The following ENTREP2 variants were observed in gnomAD, a reference collection of about 807,000 sequenced individuals.
ENTREP2 encodes the protein protein ENTREP2.
At chr15:29,417,130 C>A in the ENTREP2 span, among the ~76,000 whole-genome samples, 3 of 152,188 alleles carry the variant, frequency 2.0e-5, no homozygotes, top group Admixed American at 6.5e-5. Context: ...TTTGACCCAG[C>A]CATCCCATTA....
chr15:29,599,365 G>C, the ENTREP2 span, among the ~76,000 whole-genome samples: 370 of 152,342 alleles, frequency 2.4e-3, no homozygotes, highest in African/African-American at 8.3e-3. Flanking sequence ...TAAAGAGACA[G>C]ACCATGAGGT....
the ENTREP2 span, among the ~76,000 whole-genome samples, chr15:29,414,901 G>T: frequency 6.6e-6 from 1 of 152,174 alleles, no homozygotes; most frequent in Admixed American, 6.5e-5. Flanking sequence ...AAATCTAGAA[G>T]AAATGGATAA....
the ENTREP2 span, among the ~76,000 whole-genome samples, chr15:29,192,107 G>A: frequency 1.3e-5 from 2 of 152,124 alleles, no homozygotes; most frequent in Admixed American, 1.3e-4. Flanking sequence ...GTACATATAA[G>A]CTTTGCTTAC....
At chr15:29,480,524 C>T in the ENTREP2 span, among the ~76,000 whole-genome samples, 1 of 151,710 alleles carries the variant, frequency 6.6e-6, no homozygotes, top group Non-Finnish European at 1.5e-5. Flanking sequence ...AGCACGGTCA[C>T]AGAAGGACGT....
At chr15:29,556,871 T>C in the ENTREP2 span, among the ~76,000 whole-genome samples, 160 of 150,220 alleles carry the variant, frequency 1.1e-3, no homozygotes, top group African/African-American at 3.9e-3. Flanking sequence ...TGGGGCACAA[T>C]GTGACTGGGT....
the ENTREP2 span, among the ~76,000 whole-genome samples, chr15:29,322,456 C>T: frequency 6.6e-6 from 1 of 152,136 alleles, no homozygotes; most frequent in Non-Finnish European, 1.5e-5. Flanking sequence ...CTTAATTGAT[C>T]TAAAAGATAA....
chr15:29,206,124 G>T, the ENTREP2 span, among the ~76,000 whole-genome samples: 2 of 152,174 alleles, frequency 1.3e-5, no homozygotes, highest in Admixed American at 6.5e-5. Flanking sequence ...ATAAACAGTA[G>T]AAATTTATTT....
the ENTREP2 span, among the ~76,000 whole-genome samples, chr15:29,512,104 CA>C: frequency 1.3e-5 from 2 of 151,298 alleles, no homozygotes; most frequent in Non-Finnish European, 2.9e-5. Flanking sequence ...TTATTTTAAA[CA>C]AAAAAAATGA....
At chr15:29,306,493 T>C in the ENTREP2 span, among the ~76,000 whole-genome samples, 1 of 152,128 alleles carries the variant, frequency 6.6e-6, no homozygotes, top group African/African-American at 2.4e-5. Flanking sequence ...AAGTTTAGGA[T>C]ACCACATGAC....
At chr15:29,285,908 A>G in the ENTREP2 span, among the ~76,000 whole-genome samples, 1 of 152,220 alleles carries the variant, frequency 6.6e-6, no homozygotes, top group Non-Finnish European at 1.5e-5. Flanking sequence ...ACCAATCAAG[A>G]TAATTCACCA....
chr15:29,664,613 C>T, the ENTREP2 span, among the ~76,000 whole-genome samples: 10 of 152,136 alleles, frequency 6.6e-5, no homozygotes, highest in African/African-American at 1.2e-4. Context: ...AACACAAACG[C>T]GCCCACTGAC....
chr15:29,306,487 T>A, the ENTREP2 span, among the ~76,000 whole-genome samples: 1 of 152,022 alleles, frequency 6.6e-6, no homozygotes, highest in Non-Finnish European at 1.5e-5. Flanking sequence ...TGTAACAAGT[T>A]TAGGATACCA....
At chr15:29,221,964 A>G in the ENTREP2 span, among the ~76,000 whole-genome samples, 1 of 152,194 alleles carries the variant, frequency 6.6e-6, no homozygotes, top group Non-Finnish European at 1.5e-5. Flanking sequence ...GCTCTCCTGC[A>G]TGACTTCTCC....
At chr15:29,250,470 T>C in the ENTREP2 span, among the ~76,000 whole-genome samples, 2 of 152,124 alleles carry the variant, frequency 1.3e-5, no homozygotes, top group Non-Finnish European at 2.9e-5. Flanking sequence ...CGGTAAGAAA[T>C]AGAGGAGACC....
the ENTREP2 span, among the ~76,000 whole-genome samples, chr15:29,419,989 T>C: frequency 1.3e-5 from 2 of 152,246 alleles, no homozygotes; most frequent in East Asian, 1.9e-4. Flanking sequence ...TGAATGAATA[T>C]GGACTGCGAC....
At chr15:29,498,335 C>G in the ENTREP2 span, among the ~76,000 whole-genome samples, 1 of 152,052 alleles carries the variant, frequency 6.6e-6, no homozygotes, top group African/African-American at 2.4e-5. Context: ...ACTGTGTTTT[C>G]ATTTTCATTT....
chr15:29,453,178 C>T, the ENTREP2 span, among the ~76,000 whole-genome samples: 11 of 152,192 alleles, frequency 7.2e-5, no homozygotes, highest in East Asian at 3.9e-4. Flanking sequence ...CTGAACACCC[C>T]GGTGCAGGGG....
chr15:29,579,166 A>G, the ENTREP2 span, among the ~76,000 whole-genome samples: 3 of 152,214 alleles, frequency 2.0e-5, no homozygotes, highest in African/African-American at 7.2e-5. Flanking sequence ...ATTTGGCTCT[A>G]AAGTATGGGT....
chr15:29,565,245 C>T, the ENTREP2 span, among the ~76,000 whole-genome samples: 1 of 152,162 alleles, frequency 6.6e-6, no homozygotes, highest in African/African-American at 2.4e-5. Flanking sequence ...TCCCACGCTG[C>T]AAGAGGACAG....
Sources: allele counts gnomAD v4.1 joint callset (sites outside exome capture counted in the v4.1 genomes callset), GRCh38; gene constraint gnomAD v4.1.1; transcripts MANE v1.5; gene names NCBI Gene and HGNC (gene_info 2026-07-23, HGNC 2026-07-21).